The following NOL4 variants were observed in gnomAD, a reference collection of about 807,000 sequenced individuals.
The protein encoded by NOL4 is nucleolar protein 4.
In NOL4, 17 loss-of-function variants were observed where a neutral mutation model predicts 75.9. That is an observed-to-expected ratio of 0.22 (90% CI 0.15 to 0.34). NOL4 has a LOEUF of 0.34. NOL4 is among the 10% of genes least tolerant of loss of function. The probability of loss-of-function intolerance (pLI) is 1.00; values close to 1 mark genes in which losing one functional copy is unlikely to be tolerated. For synonymous variants in NOL4, 292 were observed against 289.9 expected (o/e 1.01, Z -0.07); for missense variants, 614 against 793.5 (o/e 0.77, Z 2.72).
intron 9 of NOL4, among the ~76,000 whole-genome samples, chr18:33,924,995 C>A (rs2067243128): frequency 6.6e-6 from 1 of 151,846 alleles, no homozygotes; most frequent in South Asian, 2.1e-4. Context: ...ATCATTTATG[C>A]AGAAAGAAAA....
rs2069648957 is a variant in NOL4, at chr18:33,956,383, G to T, written c.1428+943C>A. On this transcript the variant is annotated intron_variant, in intron 8 of 10. Transcript: ENST00000261592. ...TTATATCCAACTCTGGAGATTTTAT[G>T]ATTTGAGATAATTGGTACAGACATA... Among the ~76,000 whole-genome samples, 3 of 152,116 alleles carry T rather than the reference G, an allele frequency of 2.0e-5. 1 individual carries two copies. In the Middle Eastern group the frequency reaches 0.01, roughly 517 times the overall value.
chr18:34,113,234 T>A (rs1398670726), intron 2 of NOL4, among the ~76,000 whole-genome samples: 1 of 152,144 alleles, frequency 6.6e-6, no homozygotes, highest in Non-Finnish European at 1.5e-5. Flanking sequence ...CCCATCTTGG[T>A]GTCCCAGAGC....
intron 1 of NOL4, among the ~76,000 whole-genome samples, chr18:34,205,499 T>C (rs138374444): frequency 3.9e-5 from 6 of 152,104 alleles, no homozygotes; most frequent in Non-Finnish European, 7.4e-5. Flanking sequence ...AGAATAGAGA[T>C]AATTGAATGC....
intron 10 of NOL4, among the ~76,000 whole-genome samples, chr18:33,860,371 C>T (rs950938252): frequency 2.0e-5 from 3 of 152,126 alleles, no homozygotes; most frequent in Admixed American, 6.6e-5. Flanking sequence ...TAACTCATTC[C>T]AGCATTAACC....
At chr18:34,148,804 AG>A (rs958567284) in intron 1 of NOL4, among the ~76,000 whole-genome samples, 2 of 151,724 alleles carry the variant, frequency 1.3e-5, no homozygotes, top group Non-Finnish European at 1.5e-5. Context: ...TAATATTGAC[AG>A]GGGGGTATTA....
At chr18:33,969,085 G>C (rs1316599996) in intron 6 of NOL4, among the ~76,000 whole-genome samples, 4 of 152,244 alleles carry the variant, frequency 2.6e-5, no homozygotes, top group Middle Eastern at 3.4e-3. Flanking sequence ...TGAACCATGA[G>C]ATTTCAGGAC....
At chr18:34,070,310 C>T (rs761660210) in intron 5 of NOL4, among the ~76,000 whole-genome samples, 2 of 152,224 alleles carry the variant, frequency 1.3e-5, no homozygotes, top group African/African-American at 4.8e-5. Flanking sequence ...TGAGCCACCG[C>T]GCCCGGCCCG....
At chr18:34,143,876 A>C (rs1568389781) in intron 1 of NOL4, among the ~76,000 whole-genome samples, 1 of 151,758 alleles carries the variant, frequency 6.6e-6, no homozygotes, top group South Asian at 2.1e-4. Flanking sequence ...AAAAAAAAAA[A>C]AAAAAAAAAA....
At chr18:34,027,443 G>A (rs2075402587) in intron 5 of NOL4, among the ~76,000 whole-genome samples, 1 of 152,190 alleles carries the variant, frequency 6.6e-6, no homozygotes, top group South Asian at 2.1e-4. Context: ...TTCCTCTGAG[G>A]AGCAAATCAA....
At chr18:33,916,383 C>T (rs995722186) in intron 9 of NOL4, among the ~76,000 whole-genome samples, 12 of 152,166 alleles carry the variant, frequency 7.9e-5, no homozygotes, top group African/African-American at 2.6e-4. Context: ...CAATTCTGGC[C>T]TTTCTCCATT....
At chr18:34,066,618 ACTGT>A (rs1289711007) in intron 5 of NOL4, among the ~76,000 whole-genome samples, 1 of 151,880 alleles carries the variant, frequency 6.6e-6, no homozygotes, top group African/African-American at 2.4e-5. Context: ...GTATTCCAAA[ACTGT>A]CTATGAAACA....
intron 10 of NOL4, among the ~76,000 whole-genome samples, chr18:33,861,826 T>C (rs1489941234): frequency 2.6e-5 from 4 of 152,064 alleles, no homozygotes; most frequent in Non-Finnish European, 5.9e-5. Context: ...ATCAATATCA[T>C]GAAAATGGCC....
intron 1 of NOL4, among the ~76,000 whole-genome samples, chr18:34,218,543 C>A (rs938713151): frequency 9.2e-5 from 14 of 152,198 alleles, no homozygotes; most frequent in South Asian, 2.1e-4. Context: ...CTGTTCCCTG[C>A]GAGCTGACCT....
chr18:33,936,853 C>T (rs1206631860), intron 9 of NOL4, among the ~76,000 whole-genome samples: 1 of 152,114 alleles, frequency 6.6e-6, no homozygotes, highest in African/African-American at 2.4e-5. Context: ...AAATAATACA[C>T]TGATAGGAGA....
At chr18:34,022,956 T>A (rs1029996103) in intron 5 of NOL4, among the ~76,000 whole-genome samples, 4 of 152,216 alleles carry the variant, frequency 2.6e-5, no homozygotes, top group Admixed American at 2.6e-4. Flanking sequence ...TGTTTTTATA[T>A]CAATAAAAAG....
At chr18:33,910,833 A>G (rs746935476) in intron 9 of NOL4, among the ~76,000 whole-genome samples, 1 of 152,068 alleles carries the variant, frequency 6.6e-6, no homozygotes, top group Non-Finnish European at 1.5e-5. Flanking sequence ...TAACAAAAGT[A>G]TACAACCCTC....
At chr18:33,975,480 G>T (rs1013887601) in intron 6 of NOL4, among the ~76,000 whole-genome samples, 2 of 152,036 alleles carry the variant, frequency 1.3e-5, no homozygotes. Flanking sequence ...CAATACAATG[G>T]GGTTGTTAAA....
intron 2 of NOL4, among the ~76,000 whole-genome samples, chr18:34,118,635 A>G (rs1476320457): frequency 6.6e-6 from 1 of 152,194 alleles, no homozygotes; most frequent in Admixed American, 6.5e-5. Context: ...ATATCTTTGC[A>G]TTTAGGACTT....
At chr18:33,864,095 C>G (rs1040676567) in intron 10 of NOL4, among the ~76,000 whole-genome samples, 2 of 152,168 alleles carry the variant, frequency 1.3e-5, no homozygotes, top group African/African-American at 4.8e-5. Context: ...AGGCTGCACA[C>G]AGCAGCAAGT....
Sources: gnomAD v4.1 joint callset for allele counts (sites outside exome capture counted in the v4.1 genomes callset) on GRCh38, gnomAD v4.1.1 for gene constraint, MANE v1.5 for transcripts, NCBI Gene and HGNC (gene_info 2026-07-23, HGNC 2026-07-21) for gene names.